Variants in GRIK1 observed in about 807,000 individuals in gnomAD.
GRIK1 encodes the protein glutamate ionotropic receptor kainate type subunit 1, also known as glutamate receptor ionotropic, kainate 1.
In GRIK1, 69 loss-of-function variants were observed where a neutral mutation model predicts 105.7. The observed-to-expected ratio is 0.65, with a 90% CI of 0.54 to 0.80. The LOEUF is 0.80. GRIK1 is among the 30% of genes least tolerant of loss of function. The pLI, the probability that GRIK1 is intolerant of heterozygous loss-of-function variation, is 0.00. For synonymous variants in GRIK1, 438 were observed against 431.3 expected (o/e 1.02, Z -0.19); for missense variants, 1,109 against 1,167.3 (o/e 0.95, Z 0.73).
intron 1 of GRIK1, among the ~76,000 whole-genome samples, chr21:29,770,748 G>A (rs1395922272): frequency 6.6e-6 from 1 of 152,172 alleles, no homozygotes; most frequent in Non-Finnish European, 1.5e-5. Flanking sequence ...GGCTTGTGCA[G>A]ACATTGTTTT....
In GRIK1 at chr21:29,899,671, T is replaced by G. The variant is rs987550500; in HGVS notation, c.118+39712A>C. Among the ~76,000 whole-genome samples, 7 of 152,186 alleles carry G rather than the reference T, an allele frequency of 4.6e-5. No homozygotes were observed. The East Asian group carries it at 1.2e-3, about 25-fold the overall frequency. On this transcript the variant is annotated intron_variant, in intron 1 of 17. Transcript: ENST00000327783. ...TAGAGAATAACCTCAAGGGGACTGATTATAGAGATGTCATTTTCAGGTGAC... is the reference window on the plus strand; with the variant it reads ...TAGAGAATAACCTCAAGGGGACTGAGTATAGAGATGTCATTTTCAGGTGAC...
At chr21:29,789,927 A>C (rs1440141213) in intron 1 of GRIK1, among the ~76,000 whole-genome samples, 4 of 152,220 alleles carry the variant, frequency 2.6e-5, no homozygotes, top group Non-Finnish European at 5.9e-5. Context: ...TCATGCCCAT[A>C]AGCTGTATTC....
At position 29,810,755 on chromosome 21, in the gene GRIK1, T is replaced by C. The variant is rs376773557; in HGVS notation, c.119-116692A>G. Among the ~76,000 whole-genome samples the C allele has an allele frequency of 1.4e-3, 207 of 152,258 alleles. 1 individual carries two copies. Among genetic ancestry groups the C allele is most frequent in the African/African-American group, 4.7e-3 (196 of 41,562 alleles). Reference sequence around the variant, plus strand: ...ATGAAGACAGAGAAGTAGCAATAGCTGATTCAAAATTCTGCCGTGATGCCT... The same window carrying C: ...ATGAAGACAGAGAAGTAGCAATAGCCGATTCAAAATTCTGCCGTGATGCCT... On this transcript the variant is annotated intron_variant, in intron 1 of 17. Transcript: ENST00000327783.
intron 6 of GRIK1, among the ~76,000 whole-genome samples, chr21:29,647,590 G>A (rs545033226): frequency 6.6e-6 from 1 of 152,322 alleles, no homozygotes; most frequent in Admixed American, 6.5e-5. Flanking sequence ...TCAGATCAAT[G>A]TTTGGTTGTT....
intron 1 of GRIK1, among the ~76,000 whole-genome samples, chr21:29,790,134 C>A (rs2066372112): frequency 6.6e-6 from 1 of 152,158 alleles, no homozygotes; most frequent in Non-Finnish European, 1.5e-5. Flanking sequence ...ACTTCGAACT[C>A]CACCTCCCAG....
chr21:29,764,855 C>G (rs920114277), intron 1 of GRIK1, among the ~76,000 whole-genome samples: 2 of 152,122 alleles, frequency 1.3e-5, no homozygotes, highest in African/African-American at 2.4e-5. Context: ...TTCACCTTAT[C>G]CTTAACAAGC....
In GRIK1 at chr21:29,792,506, C is replaced by T. The variant is rs188337223; in HGVS notation, c.119-98443G>A. On this transcript the variant is annotated intron_variant, in intron 1 of 17. Transcript: ENST00000327783. ...CACAGACTTCTCAACATGAGAAATC[C>T]TAGAGCATTGTCAAAAGCAAGTTTC... 1.9e-3 allele frequency among the ~76,000 whole-genome samples: 286 copies of T among 152,238 alleles called. 1 individual carries two copies. Among genetic ancestry groups the T allele is most frequent in the Middle Eastern group, 0.01 (3 of 294 alleles).
rs571453432 is a variant in GRIK1, at chr21:29,668,520, A to C, written c.726+4463T>G. Among the ~76,000 whole-genome samples the C allele has an allele frequency of 5.5e-4, 84 of 152,340 alleles. 1 individual carries two copies. Among genetic ancestry groups the C allele is most frequent in the African/African-American group, 1.9e-3 (80 of 41,576 alleles). ...GCATCGGATACTGGAGGCCAGCAAG[A>C]GGAGAAAGAGGCCAGGTCAGGTCAT... On this transcript the variant is annotated intron_variant, in intron 4 of 17. Coordinates refer to ENST00000327783, the MANE Select transcript of GRIK1 (RefSeq NM_001330994.2).
intron 1 of GRIK1, among the ~76,000 whole-genome samples, chr21:29,775,477 CAGCAACCAGCCTGG>C (rs2065919947): frequency 6.6e-6 from 1 of 152,078 alleles, no homozygotes; most frequent in Non-Finnish European, 1.5e-5. Flanking sequence ...GAGGTAAGAG[CAGCAACCAGCCTGG>C]ACAGGCTTCT....
chr21:29,911,257 T>G (rs1171682307), intron 1 of GRIK1, among the ~76,000 whole-genome samples: 2 of 152,134 alleles, frequency 1.3e-5, no homozygotes, highest in African/African-American at 4.8e-5. Context: ...AGAATCTGTG[T>G]CATCAACTAC....
chr21:29,577,291 T>A, intron 13 of GRIK1, 110 bp from the exon 14 acceptor site: 1 of 614,118 alleles, frequency 1.6e-6, no homozygotes, highest in Non-Finnish European at 2.9e-6. Flanking sequence ...CTTACCGTCT[T>A]GTAGGTAGAT....
intron 1 of GRIK1, among the ~76,000 whole-genome samples, chr21:29,808,889 C>T (rs1014395045): frequency 6.6e-6 from 1 of 152,112 alleles, no homozygotes; most frequent in East Asian, 1.9e-4. Context: ...AAAATCAAGG[C>T]TTTTCCAGGC....
chr21:29,697,020 A>G (rs1264643021), intron 1 of GRIK1, among the ~76,000 whole-genome samples: 1 of 151,512 alleles, frequency 6.6e-6, no homozygotes, highest in Non-Finnish European at 1.5e-5. Context: ...TAAATGAAAA[A>G]GTGAACAAGA....
chr21:29,649,997 A>G (rs1406714745), intron 6 of GRIK1, among the ~76,000 whole-genome samples: 1 of 152,230 alleles, frequency 6.6e-6, no homozygotes, highest in Non-Finnish European at 1.5e-5. Context: ...TTTCAGAAAT[A>G]TAATATTTCC....
chr21:29,820,096 A>G (rs1254996720), intron 1 of GRIK1, among the ~76,000 whole-genome samples: 1 of 152,134 alleles, frequency 6.6e-6, no homozygotes, highest in African/African-American at 2.4e-5. Flanking sequence ...AGTGCTTGCC[A>G]TGTGACAGAT....
intron 1 of GRIK1, among the ~76,000 whole-genome samples, chr21:29,896,420 T>C (rs777885781): frequency 7.9e-5 from 12 of 152,218 alleles, no homozygotes; most frequent in Non-Finnish European, 1.8e-4. Flanking sequence ...TTTGTTTGTG[T>C]ACCAAAAAGG....
chr21:29,669,980 T>G (rs1200025236), intron 4 of GRIK1, among the ~76,000 whole-genome samples: 5 of 152,172 alleles, frequency 3.3e-5, no homozygotes, highest in African/African-American at 1.2e-4. Context: ...ACAGAAAAGT[T>G]CTGATGTCTC....
At chr21:29,856,297 G>T (rs1465987164) in intron 1 of GRIK1, among the ~76,000 whole-genome samples, 2 of 152,092 alleles carry the variant, frequency 1.3e-5, no homozygotes, top group East Asian at 1.9e-4. Flanking sequence ...GATTTAGGTG[G>T]AAAATTATCA....
intron 1 of GRIK1, among the ~76,000 whole-genome samples, chr21:29,723,354 A>G (rs566565384): frequency 7.9e-4 from 121 of 152,312 alleles, no homozygotes; most frequent in African/African-American, 2.7e-3. Context: ...TAATTATTAC[A>G]ACTATTTTTA....
Sources: allele counts gnomAD v4.1 joint callset (sites outside exome capture counted in the v4.1 genomes callset), GRCh38; gene constraint gnomAD v4.1.1; transcripts MANE v1.5; gene names NCBI Gene and HGNC (gene_info 2026-07-23, HGNC 2026-07-21).